Variants in ISM1 observed in about 807,000 individuals in gnomAD.
ISM1 encodes isthmin 1.
A neutral mutation model predicts 46.3 loss-of-function variants in ISM1; 25 were observed. The observed-to-expected ratio is 0.54, with a 90% CI of 0.39 to 0.75. ISM1 has a LOEUF of 0.75. Among genes scored for constraint, ISM1 ranks in the 30% least tolerant of loss-of-function variants. The probability of loss-of-function intolerance (pLI) is 0.00; values close to 1 mark genes in which losing one functional copy is unlikely to be tolerated. For missense variants in ISM1, 536 were observed against 625.4 expected (o/e 0.86, Z 1.52); for synonymous variants, 255 against 256.7 (o/e 0.99, Z 0.06).
downstream of ISM1, among the ~76,000 whole-genome samples, chr20:13,301,513 T>C (rs548460385): frequency 6.6e-6 from 1 of 152,302 alleles, no homozygotes; most frequent in South Asian, 2.1e-4. Flanking sequence ...ATGAATTATT[T>C]ACACCTTAGA....
chr20:13,244,041 T>C (rs1407006942), intron 1 of ISM1: 1 of 152,218 alleles, frequency 6.6e-6, no homozygotes, highest in Non-Finnish European at 1.5e-5. Context: ...GTGATTCATC[T>C]GCAGGTCAGA....
rs372756333 is a variant in ISM1, at chr20:13,236,086, G to A, written c.138+14172G>A. 1.4e-4 allele frequency among the ~76,000 whole-genome samples: 22 copies of A among 152,032 alleles called. No homozygotes were observed. In the East Asian group the frequency reaches 1.6e-3, roughly 11 times the overall value. ...ATTACAGGCACCCACCACCACGCAC[G>A]GCTAATTTTTATATTTTTAGTAGAG... On this transcript the variant is annotated intron_variant, in intron 1 of 5. Transcript: ENST00000262487.
intron 3 of ISM1, among the ~76,000 whole-genome samples, 190 bp from the exon 4 acceptor site, chr20:13,288,350 T>A: frequency 6.6e-6 from 1 of 152,212 alleles, no homozygotes; most frequent in Non-Finnish European, 1.5e-5. Context: ...AAAACCTCCT[T>A]GCTGTCACAA....
At chr20:13,230,905 T>A (rs2039581088) in intron 1 of ISM1, among the ~76,000 whole-genome samples, 1 of 152,208 alleles carries the variant, frequency 6.6e-6, no homozygotes, top group Admixed American at 6.5e-5. Context: ...TTAGATCAAG[T>A]CCAGTGCTGA....
rs1420770094 is a variant in ISM1, at chr20:13,299,528, G to A, written c.*69G>A. On this transcript the variant is annotated 3_prime_UTR_variant, in exon 6 of 6. Coordinates refer to ENST00000262487, the MANE Select transcript of ISM1 (RefSeq NM_080826.2). The surrounding 1 kb of genome is among the most constrained non-coding windows in gnomAD (Gnocchi z 5.8). The stretch of plus-strand genomic sequence containing the variant: ...CACACACGTGCTGCACTGACGTGCC[G>A]ACTGGCGCCGAGACCTTCATAGCTG... The A allele has an allele frequency of 2.8e-6, 4 of 1,406,964 alleles. No individual in the cohort carries two copies. The highest frequency in any genetic ancestry group is 2.9e-5 in the African/African-American group (2 of 70,168). The allele number at this position is 1,406,964 out of a possible 1,614,324, so 87.2% of individuals were successfully genotyped here.
At chr20:13,284,088 G>C (rs1285250006) in intron 3 of ISM1, among the ~76,000 whole-genome samples, 1 of 152,194 alleles carries the variant, frequency 6.6e-6, no homozygotes, top group Non-Finnish European at 1.5e-5. Flanking sequence ...CCCATAAAAA[G>C]AGGATGTTTC....
At chr20:13,225,012 AT>A (rs532771229) in intron 1 of ISM1, among the ~76,000 whole-genome samples, 231 of 137,580 alleles carry the variant, frequency 1.7e-3, no homozygotes, top group Admixed American at 1.9e-3. Context: ...CGCCCGGCTA[AT>A]TTTTTTTTTT....
downstream of ISM1, among the ~76,000 whole-genome samples, chr20:13,304,069 T>A (rs1183821039): frequency 5.3e-5 from 8 of 152,152 alleles, no homozygotes; most frequent in Admixed American, 5.2e-4. Context: ...TGCCCTGGGG[T>A]CATCTCAATC....
chr20:13,306,182 C>A, the ISM1 span, among the ~76,000 whole-genome samples: 1 of 152,146 alleles, frequency 6.6e-6, no homozygotes, highest in Non-Finnish European at 1.5e-5. Context: ...AGTAACATTT[C>A]TTGAATTAAT....
intron 1 of ISM1, among the ~76,000 whole-genome samples, chr20:13,227,895 A>G (rs1302354936): frequency 6.6e-6 from 1 of 151,720 alleles, no homozygotes; most frequent in African/African-American, 2.4e-5. Context: ...GTTTTATTAT[A>G]CTACCAATAA....
intron 1 of ISM1, among the ~76,000 whole-genome samples, chr20:13,254,863 G>A (rs1232906433): frequency 6.6e-6 from 1 of 152,150 alleles, no homozygotes; most frequent in Non-Finnish European, 1.5e-5. Context: ...ACACTTATTG[G>A]GCATTGAAAT....
chr20:13,253,877 A>T (rs565732639), intron 1 of ISM1, among the ~76,000 whole-genome samples: 5 of 98,912 alleles, frequency 5.1e-5, no homozygotes, highest in African/African-American at 2.2e-4. Context: ...ATATATATAT[A>T]TGTGTGTGTG....
chr20:13,295,550 C>T (rs540173850), intron 5 of ISM1, among the ~76,000 whole-genome samples: 98 of 152,304 alleles, frequency 6.4e-4, no homozygotes, highest in African/African-American at 2.3e-3. Context: ...GATGCTATTG[C>T]AGTCTGTGTC....
chr20:13,222,702 G>A (rs1176887004), intron 1 of ISM1, among the ~76,000 whole-genome samples: 1 of 152,218 alleles, frequency 6.6e-6, no homozygotes, highest in African/African-American at 2.4e-5. Context: ...TGGACGGTCA[G>A]ACATAATGTG....
chr20:13,303,114 G>A (rs752237759), downstream of ISM1, among the ~76,000 whole-genome samples: 5 of 152,148 alleles, frequency 3.3e-5, no homozygotes, highest in Non-Finnish European at 7.4e-5. Flanking sequence ...GCCCAACAAG[G>A]TTAGCTAACT....
chr20:13,291,521 C>T (rs1455195234), intron 4 of ISM1, among the ~76,000 whole-genome samples: 1 of 152,180 alleles, frequency 6.6e-6, no homozygotes, highest in Non-Finnish European at 1.5e-5. Flanking sequence ...GGCCAAGGCT[C>T]ACCAGCAAAT....
chr20:13,227,128 C>G (rs1419576141), intron 1 of ISM1, among the ~76,000 whole-genome samples: 1 of 152,120 alleles, frequency 6.6e-6, no homozygotes, highest in African/African-American at 2.4e-5. Context: ...CTCTTTCTTC[C>G]TTTTAGAATT....
downstream of ISM1, among the ~76,000 whole-genome samples, chr20:13,301,568 T>C (rs1319366553): frequency 6.6e-6 from 1 of 152,210 alleles, no homozygotes; most frequent in Non-Finnish European, 1.5e-5. Context: ...GATCTGTGTC[T>C]AATCACGGAA....
chr20:13,275,999 G>A (rs2040175056), intron 2 of ISM1, among the ~76,000 whole-genome samples: 1 of 152,214 alleles, frequency 6.6e-6, no homozygotes, highest in East Asian at 1.9e-4. Flanking sequence ...AGCTGGGGTT[G>A]CCACCCTTGT....
Sources: gnomAD v4.1 joint callset for allele counts (sites outside exome capture counted in the v4.1 genomes callset) on GRCh38, gnomAD v4.1.1 for gene constraint, Gnocchi (gnomAD v3.1) non-coding constraint, MANE v1.5 for transcripts, NCBI Gene and HGNC (gene_info 2026-07-23, HGNC 2026-07-21) for gene names.